C10orf67: variants seen among roughly 807,000 people sequenced by gnomAD.
The protein encoded by C10orf67 is chromosome 10 open reading frame 67.
Under a neutral mutation model 35.6 loss-of-function variants are expected in C10orf67, and 60 were observed. That is an observed-to-expected ratio of 1.68 (90% CI 1.37 to 2.09). C10orf67 has a LOEUF of 2.09. Among genes scored for constraint, C10orf67 ranks in the 30% most tolerant of loss-of-function variants. The pLI, the probability that C10orf67 is intolerant of heterozygous loss-of-function variation, is 0.00. For synonymous variants in C10orf67, 167 were observed against 115.8 expected (o/e 1.44, Z -2.84); for missense variants, 474 against 330.2 (o/e 1.44, Z -3.38).
At chr10:23,333,627 T>C (rs1259995169) in intron 1 of C10orf67, among the ~76,000 whole-genome samples, 1 of 152,176 alleles carries the variant, frequency 6.6e-6, no homozygotes, top group Non-Finnish European at 1.5e-5. Flanking sequence ...TTTATAATAG[T>C]ATTAAGATTT....
chr10:23,307,822 T>C (rs1407890335), intron 4 of C10orf67, among the ~76,000 whole-genome samples: 2 of 152,118 alleles, frequency 1.3e-5, no homozygotes, highest in Admixed American at 1.3e-4. Context: ...CTTTGCCACA[T>C]TGCCCAGGCT....
intron 4 of C10orf67, chr10:23,317,689 A>G (rs1445975741): frequency 2.0e-5 from 3 of 152,228 alleles, no homozygotes; most frequent in East Asian, 3.8e-4. Flanking sequence ...ATTAAAATAA[A>G]CACAAGAATT....
chr10:23,339,841 C>T (rs1845816441), intron 1 of C10orf67, among the ~76,000 whole-genome samples: 1 of 152,170 alleles, frequency 6.6e-6, no homozygotes, highest in Admixed American at 6.5e-5. Flanking sequence ...GTTTCTGCCT[C>T]CTGTCTGGAC....
intron 4 of C10orf67, among the ~76,000 whole-genome samples, chr10:23,316,126 C>T (rs1169688632): frequency 2.0e-5 from 3 of 152,220 alleles, no homozygotes; most frequent in Admixed American, 2.0e-4. Flanking sequence ...AGCCTGGATC[C>T]CATGCCTGCC....
intron 12 of C10orf67, among the ~76,000 whole-genome samples, chr10:23,246,305 C>T (rs1842315457): frequency 6.6e-6 from 1 of 152,088 alleles, no homozygotes. Flanking sequence ...CTAAGACATG[C>T]AAGTTACCCA....
At chr10:23,268,871 C>A (rs895143854) in intron 8 of C10orf67, among the ~76,000 whole-genome samples, 1 of 152,132 alleles carries the variant, frequency 6.6e-6, no homozygotes, top group Non-Finnish European at 1.5e-5. Flanking sequence ...AACTATAACA[C>A]AATGATATGT....
intron 9 of C10orf67, 122 bp from the exon 10 acceptor site, chr10:23,266,548 A>T: frequency 5.0e-6 from 2 of 396,390 alleles, no homozygotes; most frequent in Non-Finnish European, 8.9e-6. Context: ...TCAGTCCTAG[A>T]GCGCATGGAT....
chr10:23,237,529 G>A (rs934997922), intron 13 of C10orf67, among the ~76,000 whole-genome samples: 3 of 152,036 alleles, frequency 2.0e-5, no homozygotes, highest in East Asian at 3.9e-4. Flanking sequence ...TGTCCAATGA[G>A]GCCAGATGGA....
At chr10:23,315,198 G>C (rs761255804) in intron 4 of C10orf67, among the ~76,000 whole-genome samples, 5 of 152,070 alleles carry the variant, frequency 3.3e-5, no homozygotes, top group African/African-American at 4.8e-5. Context: ...TTTTTCTTAA[G>C]TCAACTAACC....
At chr10:23,282,284 G>A (rs185554224) in intron 7 of C10orf67, among the ~76,000 whole-genome samples, 1 of 152,030 alleles carries the variant, frequency 6.6e-6, no homozygotes, top group Non-Finnish European at 1.5e-5. Flanking sequence ...AGAAAATACC[G>A]ATTTATTTAC....
chr10:23,250,351 G>C (rs1213081081), intron 12 of C10orf67, 104 bp downstream of exon 12: 1 of 395,882 alleles, frequency 2.5e-6, no homozygotes, highest in Non-Finnish European at 4.4e-6. Context: ...AAGTATATGA[G>C]GTGATTTAAC....
intron 5 of C10orf67, among the ~76,000 whole-genome samples, chr10:23,293,742 A>G (rs911985590): frequency 2.6e-5 from 4 of 152,364 alleles, no homozygotes; most frequent in East Asian, 3.9e-4. Flanking sequence ...CATATGTGCT[A>G]TATCTTTTGT....
At position 23,322,452 on chromosome 10, in the gene C10orf67, A is replaced by G. The variant is rs1844995585; in HGVS notation, c.413T>C (p.Leu138Ser). 1 of 1,611,126 alleles carries G rather than the reference A, an allele frequency of 6.2e-7. No individual in the cohort carries two copies. Among genetic ancestry groups the G allele is most frequent in the African/African-American group, 1.3e-5 (1 of 74,980 alleles). The change falls in exon 3 of 16, where the codon TTG becomes TCG. Residue 138 changes from leucine to serine, a missense_variant. Transcript: ENST00000636213. Reference protein sequence around the residue: ...KFEDRLKEESLSLFTILHDRI... With the variant: ...KFEDRLKEESSSLFTILHDRI... Reference sequence around the variant, plus strand: ...GTCATGCAGAATGGTGAAGAGACTCAAAGATTCCTCTTTCAGTCGGTCCTC... The same window carrying G: ...GTCATGCAGAATGGTGAAGAGACTCGAAGATTCCTCTTTCAGTCGGTCCTC...
At chr10:23,229,081 T>C (rs1036427752) in intron 13 of C10orf67, among the ~76,000 whole-genome samples, 3 of 152,144 alleles carry the variant, frequency 2.0e-5, no homozygotes, top group Admixed American at 1.3e-4. Context: ...ATTCCATTAC[T>C]GGCTATATAC....
Position 23,321,201 on chromosome 10 carries a change from G to T in C10orf67, c.472-386C>A, listed in dbSNP as rs114554433. On this transcript the variant is annotated intron_variant, in intron 3 of 15. Coordinates refer to ENST00000636213, the MANE Select transcript of C10orf67 (RefSeq NM_001371909.1). ...ATGCTCATGAAAAGAAATCTATACAGCTAGTCTGCAAACTAGAGTTATTTT... is the reference window on the plus strand; with the variant it reads ...ATGCTCATGAAAAGAAATCTATACATCTAGTCTGCAAACTAGAGTTATTTT... Among the ~76,000 whole-genome samples the T allele has an allele frequency of 2.7e-3, 411 of 152,236 alleles. 2 individuals carry two copies. The highest frequency in any genetic ancestry group is 9.1e-3 in the African/African-American group (377 of 41,522).
At chr10:23,243,733 T>G (rs535834022) in intron 12 of C10orf67, among the ~76,000 whole-genome samples, 1 of 151,902 alleles carries the variant, frequency 6.6e-6, no homozygotes, top group South Asian at 2.1e-4. Flanking sequence ...TAAAAACATT[T>G]TTAAAAACTG....
At chr10:23,290,775 G>T (rs1276390450) in intron 6 of C10orf67, among the ~76,000 whole-genome samples, 1 of 152,180 alleles carries the variant, frequency 6.6e-6, no homozygotes, top group Admixed American at 6.5e-5. Context: ...GTTTTTAAAT[G>T]TTATCAAGTT....
chr10:23,252,459 C>T lies in C10orf67; in HGVS notation c.1201-1768G>A, dbSNP rs902688671. Among the ~76,000 whole-genome samples, 7 of 152,238 alleles carry T rather than the reference C, an allele frequency of 4.6e-5. No individual in the cohort carries two copies. In the South Asian group the frequency reaches 1.5e-3, roughly 32 times the overall value. ...GTTTCAGGCAGGGCCAAGTGCTTTTCTTGTTCTCTTTGTTCACTCCGTAAA... is the reference window on the plus strand; with the variant it reads ...GTTTCAGGCAGGGCCAAGTGCTTTTTTTGTTCTCTTTGTTCACTCCGTAAA... On this transcript the variant is annotated intron_variant, in intron 10 of 15. Transcript: ENST00000636213.
chr10:23,318,756 AC>A, intron 4 of C10orf67: 1 of 640,698 alleles, frequency 1.6e-6, no homozygotes, highest in Non-Finnish European at 2.8e-6. Context: ...AGTGGCTTAG[AC>A]ACTGAGGGGT....
Sources: gnomAD v4.1 joint callset for allele counts (sites outside exome capture counted in the v4.1 genomes callset) on GRCh38, gnomAD v4.1.1 for gene constraint, MANE v1.5 for transcripts, NCBI Gene and HGNC (gene_info 2026-07-23, HGNC 2026-07-21) for gene names.